Variants in BEGAIN observed in about 807,000 individuals in gnomAD.
BEGAIN encodes the protein brain enriched guanylate kinase associated, also known as brain-enriched guanylate kinase-associated protein.
In BEGAIN, 19 loss-of-function variants were observed where a neutral mutation model predicts 35.8. That is an observed-to-expected ratio of 0.53 (90% CI 0.37 to 0.78). The LOEUF (loss-of-function observed/expected upper bound fraction) is 0.78. BEGAIN is among the 30% of genes least tolerant of loss of function. The pLI is 0.00. For missense variants in BEGAIN, 795 were observed against 853.6 expected, an observed-to-expected ratio of 0.93 and a Z score of 0.85; for synonymous variants, 462 against 388.6, an observed-to-expected ratio of 1.19 and a Z score of -2.22.
chr14:100,587,145 G>C (rs2035462910), intron 1 of BEGAIN, 104 bp downstream of exon 1: 1 of 149,494 alleles, frequency 6.7e-6, no homozygotes, highest in Non-Finnish European at 1.5e-5. Context: ...GCGGGGGGCC[G>C]GCCACCTCCC....
At chr14:100,585,118 C>T (rs2139772712) in intron 1 of BEGAIN, among the ~76,000 whole-genome samples, 1 of 152,252 alleles carries the variant, frequency 6.6e-6, no homozygotes, top group Admixed American at 6.5e-5. Context: ...CCTTGGACCC[C>T]ACCTCCTGGG....
Position 100,587,256 on chromosome 14 carries a change from C to T in BEGAIN, c.35G>A (p.Arg12His). 5.2e-6 allele frequency: 1 copy of T among 191,506 alleles called. No homozygotes were observed. Among genetic ancestry groups the T allele is most frequent in the Non-Finnish European group, 1.1e-5 (1 of 93,550 alleles). 11.9% of individuals were successfully genotyped at this position (191,506 alleles called of 1,614,324 possible). The part of the protein sequence containing the change: ...WTGGRRPGRL[R>H]RAASAADMEK... Reference sequence around the variant, plus strand: ...CGGCTCGCAGGTACTCACCGCCCGGCGCAGCCGGCCCGGCCGGCGACCGCC... The same window carrying T: ...CGGCTCGCAGGTACTCACCGCCCGGTGCAGCCGGCCCGGCCGGCGACCGCC... Residue 12 changes from arginine (R) to histidine (H), a missense_variant, in exon 1 of 7, where the codon CGC (arginine) becomes CAC (histidine). Physicochemically the swap from Arg to His is conservative, Grantham distance 29. Around this residue, in one of 3 missense-constraint regions of BEGAIN, gnomAD observed 58 missense variants for 62.7 expected, o/e 0.92. Transcript: ENST00000554140.
chr14:100,553,772 C>G (rs553853411), intron 2 of BEGAIN, among the ~76,000 whole-genome samples: 1 of 152,226 alleles, frequency 6.6e-6, no homozygotes, highest in Non-Finnish European at 1.5e-5. Flanking sequence ...TGCTGGACAA[C>G]CCTCCTGCTG....
chr14:100,581,581 C>T (rs1454618781), intron 1 of BEGAIN, among the ~76,000 whole-genome samples: 3 of 152,204 alleles, frequency 2.0e-5, no homozygotes, highest in Non-Finnish European at 4.4e-5. Flanking sequence ...AATCCCCACC[C>T]GCCTCTGTGC....
Position 100,574,614 on chromosome 14 carries a change from T to C in BEGAIN, c.43-6675A>G, listed in dbSNP as rs1380529850. Among the ~76,000 whole-genome samples the C allele has an allele frequency of 2.6e-5, 4 of 152,126 alleles. No homozygotes were observed. In the East Asian group the frequency reaches 7.7e-4, roughly 29 times the overall value. ...GTATTTTTGGCTTCTACTGAAAATT[T>C]TGGAAGATCTGGCAACGTCGGCCCA... On this transcript the variant is annotated intron_variant, in intron 1 of 6. Coordinates refer to ENST00000554140, the MANE Select transcript of BEGAIN (RefSeq NM_001385089.1).
Position 100,581,546 on chromosome 14 carries a change from G to A in BEGAIN, c.42+5703C>T, listed in dbSNP as rs574324026. Among the ~76,000 whole-genome samples, 57 of 152,248 alleles carry A rather than the reference G, an allele frequency of 3.7e-4. 1 individual carries two copies. The South Asian group carries it at 8.1e-3, about 22-fold the overall frequency. On this transcript the variant is annotated intron_variant, in intron 1 of 6. Coordinates refer to ENST00000554140, the MANE Select transcript of BEGAIN (RefSeq NM_001385089.1). ...AAGCCCATCCTGCGTGCCAAGCTCC[G>A]TGCTGTGCATGCGTCATCACCCCAA...
chr14:100,546,831 C>T, intron 2 of BEGAIN, 169 bp from the exon 3 acceptor site: 1 of 545,958 alleles, frequency 1.8e-6, no homozygotes, highest in Non-Finnish European at 2.9e-6. Context: ...CACCCAGCCT[C>T]CCGGGCGTCA....
chr14:100,568,580 G>C lies in BEGAIN; in HGVS notation c.43-641C>G. Reference sequence around the variant, plus strand: ...ACCCGTGAGCGCCCGGCTCGCCGGCGGGGCTCCCTGCCTTGCTTGCGCAGA... The same window carrying C: ...ACCCGTGAGCGCCCGGCTCGCCGGCCGGGCTCCCTGCCTTGCTTGCGCAGA... On this transcript the variant is annotated intron_variant, in intron 1 of 6. Coordinates refer to ENST00000554140, the MANE Select transcript of BEGAIN (RefSeq NM_001385089.1). This position sits in a 1 kb window ranked among gnomAD's most constrained non-coding sequence, Gnocchi z 7.5. The C allele has an allele frequency of 1.6e-6, 2 of 1,214,060 alleles. No homozygotes were observed. Among genetic ancestry groups the C allele is most frequent in the Non-Finnish European group, 2.2e-6 (2 of 929,192 alleles). 75.2% of individuals were successfully genotyped at this position (1,214,060 alleles called of 1,614,324 possible).
Position 100,571,182 on chromosome 14 carries a change from C to G in BEGAIN, c.43-3243G>C, listed in dbSNP as rs535707223. On this transcript the variant is annotated intron_variant, in intron 1 of 6. Transcript: ENST00000554140. ...CCTCTCCCCACCGTCTGCCTTAAGT[C>G]CCTACCTCTTTCTGGTGGTCCAGCC... is the stretch of plus-strand genomic sequence containing the variant. Among the ~76,000 whole-genome samples, 31 of 152,326 alleles carry G rather than the reference C, an allele frequency of 2.0e-4. No homozygotes were observed. The East Asian group carries it at 5.4e-3, about 27-fold the overall frequency.
intron 1 of BEGAIN, among the ~76,000 whole-genome samples, chr14:100,583,690 TCC>T (rs1491280013): frequency 9.9e-6 from 1 of 101,378 alleles, no homozygotes; most frequent in African/African-American, 4.0e-5. Context: ...TCGTTTTTCT[TCC>T]TTTTTTTTTT....
chr14:100,581,660 C>T (rs1269932442), intron 1 of BEGAIN, among the ~76,000 whole-genome samples: 4 of 152,238 alleles, frequency 2.6e-5, no homozygotes, highest in African/African-American at 4.8e-5. Context: ...AGTGACCCGT[C>T]GGAGGTCACA....
chr14:100,540,483 G>A lies in BEGAIN; in HGVS notation c.492+13C>T, dbSNP rs1389915385. 1.1e-5 allele frequency: 18 copies of A among 1,578,462 alleles called. No individual in the cohort carries two copies. Among genetic ancestry groups the A allele is most frequent in the Admixed American group, 8.8e-5 (5 of 56,702 alleles). The stretch of plus-strand genomic sequence containing the variant: ...CCCGGGGCGGGGTGGGCCTGGCTGC[G>A]GGGCCACGTTACCTCAGACACCTTG... On this transcript the variant is annotated intron_variant, in intron 6 of 6. Transcript: ENST00000554140.
At chr14:100,576,968 C>A (rs2035216660) in intron 1 of BEGAIN, among the ~76,000 whole-genome samples, 1 of 152,186 alleles carries the variant, frequency 6.6e-6, no homozygotes, top group Admixed American at 6.5e-5. Flanking sequence ...GCCTGACAGG[C>A]CTATGGGACA....
At chr14:100,579,450 CAG>C (rs1446122259) in intron 1 of BEGAIN, among the ~76,000 whole-genome samples, 3 of 152,226 alleles carry the variant, frequency 2.0e-5, no homozygotes, top group East Asian at 1.9e-4. Context: ...GCACCCCACA[CAG>C]AGATCCTTCC....
At chr14:100,549,626 G>A (rs2140565431) in intron 2 of BEGAIN, 1 of 152,470 alleles carries the variant, frequency 6.6e-6, no homozygotes, top group South Asian at 2.1e-4. Context: ...ACGGCAGCCT[G>A]TCTCCACATC....
At chr14:100,565,484 A>T (rs1415248915) in intron 2 of BEGAIN, among the ~76,000 whole-genome samples, 1 of 152,138 alleles carries the variant, frequency 6.6e-6, no homozygotes, top group African/African-American at 2.4e-5. Flanking sequence ...GCTCTTCAGC[A>T]AATATTTACA....
At position 100,537,857 on chromosome 14, in the gene BEGAIN, C is replaced by CGTTGTA; in HGVS notation, c.*111_*112insTACAAC. On this transcript the variant is annotated 3_prime_UTR_variant, in exon 7 of 7. Coordinates refer to ENST00000554140, the MANE Select transcript of BEGAIN (RefSeq NM_001385089.1). ...GAGGTGCGGGGAGGAACAGACTCCT[C>CGTTGTA]GTTGTTGGCCGGGGCAGGGGAACAG... The CGTTGTA allele has an allele frequency of 1.4e-6, 2 of 1,419,902 alleles. No homozygotes were observed. The highest frequency in any genetic ancestry group is 2.9e-5 in the South Asian group (2 of 69,520). The allele number at this position is 1,419,902 out of a possible 1,614,324, so 88.0% of individuals were successfully genotyped here.
At position 100,568,515 on chromosome 14, in the gene BEGAIN, G is replaced by A. The variant is rs1481615412; in HGVS notation, c.43-576C>T. The A allele has an allele frequency of 2.3e-6, 3 of 1,287,126 alleles. No individual in the cohort carries two copies. Among genetic ancestry groups the A allele is most frequent in the South Asian group, 2.5e-5 (2 of 80,718 alleles). The allele number at this position is 1,287,126 out of a possible 1,614,324, so 79.7% of individuals were successfully genotyped here. On this transcript the variant is annotated intron_variant, in intron 1 of 6. Transcript: ENST00000554140. This position sits in a 1 kb window ranked among gnomAD's most constrained non-coding sequence, Gnocchi z 7.5. ...GGACCCGCTGCCCTCAGATTCTGGG[G>A]TTTTGGGCCTGGCTTGCCCCTCCCG...
chr14:100,537,920 C>T lies in BEGAIN; in HGVS notation c.*49G>A. The T allele has an allele frequency of 6.4e-7, 1 of 1,552,952 alleles. No homozygotes were observed. Among genetic ancestry groups the T allele is most frequent in the Non-Finnish European group, 8.7e-7 (1 of 1,151,144 alleles). The stretch of plus-strand genomic sequence containing the variant: ...AGAGGTGAGGCCGGCCCTTCTGGGG[C>T]ACGTGGGCTGGCGGGGAGCGAACCA... On this transcript the variant is annotated 3_prime_UTR_variant, in exon 7 of 7. Transcript: ENST00000554140.
Sources: allele counts gnomAD v4.1 joint callset (sites outside exome capture counted in the v4.1 genomes callset), GRCh38; gene constraint gnomAD v4.1.1; regional missense constraint gnomAD v4.1.1; non-coding constraint Gnocchi (gnomAD v3.1); transcripts MANE v1.5; gene names NCBI Gene and HGNC (gene_info 2026-07-23, HGNC 2026-07-21).